Variants in THSD7B observed in about 807,000 individuals in gnomAD.
The protein encoded by THSD7B is thrombospondin type-1 domain-containing protein 7B.
Under a neutral mutation model 213.6 loss-of-function variants are expected in THSD7B, and 138 were observed. The observed-to-expected ratio is 0.65, with a 90% CI of 0.56 to 0.74. THSD7B has a LOEUF of 0.74. Among genes scored for constraint, THSD7B ranks in the 30% least tolerant of loss-of-function variants. The pLI, the probability that THSD7B is intolerant of heterozygous loss-of-function variation, is 0.00. For synonymous variants in THSD7B, 742 were observed against 687.0 expected, an observed-to-expected ratio of 1.08 and a Z score of -1.25; for missense variants, 1,931 against 1,991.5, an observed-to-expected ratio of 0.97 and a Z score of 0.58.
chr2:137,021,622 A>G (rs975606734), intron 2 of THSD7B, among the ~76,000 whole-genome samples: 1 of 152,180 alleles, frequency 6.6e-6, no homozygotes. Flanking sequence ...AGTTTCTCCA[A>G]TGTTTACATC....
intron 6 of THSD7B, among the ~76,000 whole-genome samples, chr2:137,162,595 T>C (rs1477735345): frequency 1.3e-5 from 2 of 152,158 alleles, no homozygotes; most frequent in Admixed American, 1.3e-4. Flanking sequence ...GCTTGTTAAA[T>C]AGATGTTTAC....
chr2:137,213,449 AT>A (rs1364257499), intron 7 of THSD7B, among the ~76,000 whole-genome samples: 4 of 148,050 alleles, frequency 2.7e-5, no homozygotes, highest in Non-Finnish European at 5.9e-5. Context: ...ATATATTATA[AT>A]ATATTGTCAT....
intron 5 of THSD7B, among the ~76,000 whole-genome samples, chr2:137,139,509 C>T (rs1034690325): frequency 4.6e-5 from 7 of 152,086 alleles, no homozygotes; most frequent in African/African-American, 1.7e-4. Context: ...GCAATGTGGC[C>T]CAGGAGGCTG....
chr2:137,611,912 T>C (rs1573742698), intron 17 of THSD7B, among the ~76,000 whole-genome samples: 1 of 152,166 alleles, frequency 6.6e-6, no homozygotes, highest in South Asian at 2.1e-4. Context: ...AAATTCTTCC[T>C]TAGATGATGT....
At chr2:137,003,644 C>A (rs1686044814) in intron 2 of THSD7B, among the ~76,000 whole-genome samples, 1 of 152,158 alleles carries the variant, frequency 6.6e-6, no homozygotes, top group African/African-American at 2.4e-5. Context: ...GGTCTCTTTA[C>A]AGCAGCTTCT....
intron 15 of THSD7B, among the ~76,000 whole-genome samples, chr2:137,548,483 A>G (rs184352554): frequency 6.6e-6 from 1 of 152,088 alleles, no homozygotes; most frequent in East Asian, 1.9e-4. Context: ...TCTCCCTCAC[A>G]TTCCAGATGA....
chr2:137,459,668 A>G (rs1418185160), intron 15 of THSD7B, among the ~76,000 whole-genome samples: 1 of 151,844 alleles, frequency 6.6e-6, no homozygotes, highest in Non-Finnish European at 1.5e-5. Flanking sequence ...CTGTCTTTAA[A>G]GAAAAAAAAA....
At chr2:136,769,636 A>G (rs1681470005) in intron 1 of THSD7B, among the ~76,000 whole-genome samples, 2 of 151,150 alleles carry the variant, frequency 1.3e-5, no homozygotes, top group Admixed American at 1.3e-4. Context: ...CACAGTATGT[A>G]TAAAAGCATC....
chr2:137,602,169 T>C (rs1363426794), intron 17 of THSD7B, among the ~76,000 whole-genome samples: 1 of 152,208 alleles, frequency 6.6e-6, no homozygotes, highest in Non-Finnish European at 1.5e-5. Context: ...AGAATCATTA[T>C]GTGTTGTTCT....
Position 137,056,803 on chromosome 2 carries a change from C to T in THSD7B, c.523C>T (p.Pro175Ser). Residue 175 changes from proline (P) to serine (S), a missense_variant, in exon 3 of 28, where the codon CCT (proline) becomes TCT (serine). Transcript: ENST00000409968. ...QPPTEQACLI[P>S]CPRDCVVSEF... ...TCCTACAGAACAGGCTTGCCTCATT[C>T]CTTGTCCCCGGGATTGTGTAGTATC... 1 of 1,613,940 alleles carries T rather than the reference C, an allele frequency of 6.2e-7. No individual in the cohort carries two copies. The highest frequency in any genetic ancestry group is 8.5e-7 in the Non-Finnish European group (1 of 1,179,878).
At chr2:137,460,374 A>G (rs545488601) in intron 15 of THSD7B, among the ~76,000 whole-genome samples, 9 of 152,276 alleles carry the variant, frequency 5.9e-5, no homozygotes, top group African/African-American at 1.4e-4. Flanking sequence ...GATGTTAAGT[A>G]TGAACATTTT....
intron 15 of THSD7B, among the ~76,000 whole-genome samples, chr2:137,517,898 A>AAAC (rs1680103125): frequency 2.6e-5 from 4 of 152,136 alleles, no homozygotes; most frequent in African/African-American, 9.7e-5. Flanking sequence ...GCTTTGGTGG[A>AAAC]AACTGAATGT....
chr2:137,642,693 G>A lies in THSD7B; in HGVS notation c.3945+60G>A, dbSNP rs372221923. 63 of 1,578,314 alleles carry A rather than the reference G, an allele frequency of 4.0e-5. No individual in the cohort carries two copies. The South Asian group carries it at 5.1e-4, about 13-fold the overall frequency. ...TCAGTATATTCGAAGCACTTGTCTG[G>A]TCAAACCTATGCGCTGATGGAATAA... On this transcript the variant is annotated intron_variant, in intron 21 of 27. Transcript: ENST00000409968.
At chr2:137,053,392 T>G (rs913213575) in intron 2 of THSD7B, among the ~76,000 whole-genome samples, 1 of 152,032 alleles carries the variant, frequency 6.6e-6, no homozygotes, top group Non-Finnish European at 1.5e-5. Context: ...CAGAAAAAAT[T>G]TTGCTGCTTG....
At chr2:137,402,313 G>A (rs1686388114) in intron 12 of THSD7B, among the ~76,000 whole-genome samples, 1 of 151,978 alleles carries the variant, frequency 6.6e-6, no homozygotes, top group Non-Finnish European at 1.5e-5. Flanking sequence ...CTACTCTATA[G>A]CTATTCTTTC....
chr2:136,996,904 A>AC, intron 2 of THSD7B, among the ~76,000 whole-genome samples: 1 of 152,194 alleles, frequency 6.6e-6, no homozygotes. Context: ...ACTGCTGTGG[A>AC]CTACAGTGAT....
intron 12 of THSD7B, among the ~76,000 whole-genome samples, chr2:137,386,629 G>A (rs16838859): frequency 0.011 from 1,710 of 152,324 alleles, 27 homozygotes; most frequent in African/African-American, 0.039. Flanking sequence ...ATGATCTGAA[G>A]TAGCAAGCTC....
At chr2:137,243,885 G>T (rs1681967495) in intron 10 of THSD7B, among the ~76,000 whole-genome samples, 1 of 152,200 alleles carries the variant, frequency 6.6e-6, no homozygotes, top group Non-Finnish European at 1.5e-5. Context: ...CTTATGGATA[G>T]AATCAGAAAT....
chr2:137,215,203 A>C (rs1681208241), intron 7 of THSD7B, among the ~76,000 whole-genome samples: 1 of 151,970 alleles, frequency 6.6e-6, no homozygotes, highest in Non-Finnish European at 1.5e-5. Flanking sequence ...GCTCTTTTTC[A>C]TGTTTGTTGG....
Sources: allele counts gnomAD v4.1 joint callset (sites outside exome capture counted in the v4.1 genomes callset), GRCh38; gene constraint gnomAD v4.1.1; transcripts MANE v1.5; gene names NCBI Gene and HGNC (gene_info 2026-07-23, HGNC 2026-07-21).